The following MED6 variants were observed in gnomAD, a reference collection of about 807,000 sequenced individuals.
The protein encoded by MED6 is mediator complex subunit 6.
Under a neutral mutation model 37.5 loss-of-function variants are expected in MED6, and 33 were observed. The ratio of observed to expected loss-of-function variants is 0.88; its 90% confidence interval spans 0.67 to 1.18. The LOEUF is 1.18. Ranked by LOEUF, MED6 falls within the 50% of genes most tolerant of loss-of-function variation. The pLI is 0.00. For synonymous variants in MED6, 94 were observed against 93.6 expected (o/e 1.00, Z -0.02); for missense variants, 235 against 290.6 (o/e 0.81, Z 1.39).
intron 6 of MED6, among the ~76,000 whole-genome samples, chr14:70,586,121 G>GCTT (rs1281442450): frequency 2.6e-5 from 4 of 152,090 alleles, no homozygotes; most frequent in African/African-American, 7.2e-5. Context: ...GAATCCAATG[G>GCTT]GAAGAAATAA....
At chr14:70,594,158 A>G (rs1884972037) in intron 3 of MED6, among the ~76,000 whole-genome samples, 1 of 152,192 alleles carries the variant, frequency 6.6e-6, no homozygotes, top group South Asian at 2.1e-4. Flanking sequence ...TCCAATTGAG[A>G]GATGTAGCTA....
chr14:70,588,755 G>C (rs376511891), intron 6 of MED6, among the ~76,000 whole-genome samples: 1 of 150,118 alleles, frequency 6.7e-6, no homozygotes. Context: ...GGAGGAAGTA[G>C]GGGAAGAAGA....
chr14:70,590,252 C>G (rs112405809), intron 6 of MED6, among the ~76,000 whole-genome samples: 67 of 152,322 alleles, frequency 4.4e-4, no homozygotes, highest in African/African-American at 1.6e-3. Flanking sequence ...AATGAATGGT[C>G]AACTACACCT....
At chr14:70,600,129 G>A (rs1885162466) in intron 1 of MED6, among the ~76,000 whole-genome samples, 1 of 151,974 alleles carries the variant, frequency 6.6e-6, no homozygotes, top group Admixed American at 6.6e-5. Flanking sequence ...ATTGCTGGAC[G>A]TTCGATGTAA....
intron 2 of MED6, 53 bp downstream of exon 2, chr14:70,597,565 T>C: frequency 7.2e-7 from 1 of 1,384,062 alleles, no homozygotes; most frequent in Non-Finnish European, 9.5e-7. Context: ...GAAAGAACTG[T>C]TCATTGCAAA....
chr14:70,591,552 T>C (rs112412823), intron 5 of MED6, 171 bp from the exon 6 acceptor site: 1 of 535,232 alleles, frequency 1.9e-6, no homozygotes, highest in Non-Finnish European at 3.2e-6. Context: ...AGAAGTGTTG[T>C]TAACTCTCCC....
At position 70,596,632 on chromosome 14, in the gene MED6, G is replaced by C; in HGVS notation, c.253C>G (p.Gln85Glu). The C allele has an allele frequency of 6.2e-7, 1 of 1,613,722 alleles. No homozygotes were observed. Among genetic ancestry groups the C allele is most frequent in the African/African-American group, 1.3e-5 (1 of 75,052 alleles). Residue 85 changes from glutamine to glutamate, a missense_variant, in exon 3 of 8, where the codon CAG becomes GAG. By Grantham distance (29) the Gln-to-Glu change is conservative. Coordinates refer to ENST00000256379, the MANE Select transcript of MED6 (RefSeq NM_005466.4). ...TTACCTTGGGCAGGGGACTGCCGCTGTTGCTTCCGAATGATGAAAAGAATG... is the reference window on the plus strand; with the variant it reads ...TTACCTTGGGCAGGGGACTGCCGCTCTTGCTTCCGAATGATGAAAAGAATG... Reference protein sequence around the residue: ...EPILFIIRKQQRQSPAQVIPL... With the variant: ...EPILFIIRKQERQSPAQVIPL...
Position 70,600,646 on chromosome 14 carries a change from G to T in MED6, c.-9C>A, listed in dbSNP as rs758723694. ...ATATCCACCGCCGCCATAATTCCGA[G>T]AGCGTTTACAGGTTCTCTTTCCGGC... is the stretch of plus-strand genomic sequence containing the variant. On this transcript the variant is annotated 5_prime_UTR_variant, in exon 1 of 8. Transcript: ENST00000256379. 2 of 1,613,170 alleles carry T rather than the reference G, an allele frequency of 1.2e-6. No individual in the cohort carries two copies. The highest frequency in any genetic ancestry group is 1.7e-6 in the Non-Finnish European group (2 of 1,179,914).
At chr14:70,595,604 G>A in intron 3 of MED6, 1 of 752,052 alleles carries the variant, frequency 1.3e-6, no homozygotes, top group Non-Finnish European at 2.3e-6. Flanking sequence ...GGGCAGAGAG[G>A]CAGCACCAGG....
At chr14:70,591,137 G>A in intron 6 of MED6, 129 bp downstream of exon 6, 1 of 677,350 alleles carries the variant, frequency 1.5e-6, no homozygotes, top group Non-Finnish European at 2.5e-6. Flanking sequence ...CTTTGATACA[G>A]AGATCATTTT....
chr14:70,600,439 GAAAA>G (rs5809489), intron 1 of MED6, among the ~76,000 whole-genome samples, 173 bp downstream of exon 1: 1 of 127,908 alleles, frequency 7.8e-6, no homozygotes, highest in Non-Finnish European at 1.7e-5. Context: ...CAAGAACTCA[GAAAA>G]AAAAAAAAAC....
Position 70,583,960 on chromosome 14 carries a change from A to G in MED6, c.*853T>C. 1 of 439,464 alleles carries G rather than the reference A, an allele frequency of 2.3e-6. No individual in the cohort carries two copies. Among genetic ancestry groups the G allele is most frequent in the Non-Finnish European group, 4.0e-6 (1 of 249,940 alleles). The allele number at this position is 439,464 out of a possible 1,614,324, so 27.2% of individuals were successfully genotyped here. On this transcript the variant is annotated 3_prime_UTR_variant, in exon 8 of 8. Transcript: ENST00000256379. Reference sequence around the variant, plus strand: ...CAGCCTCCATAACTTTAAAAAAAATAAAATTCCTTTTCTTTATTGAAAAAA... The same window carrying G: ...CAGCCTCCATAACTTTAAAAAAAATGAAATTCCTTTTCTTTATTGAAAAAA...
Position 70,591,376 on chromosome 14 carries a change from C to T in MED6, c.472G>A (p.Val158Ile), listed in dbSNP as rs1884865727. Residue 158 changes from valine to isoleucine, a missense_variant, in exon 6 of 8, where the codon GTC becomes ATC. Val to Ile is a conservative substitution (Grantham distance 29). Coordinates refer to ENST00000256379, the MANE Select transcript of MED6 (RefSeq NM_005466.4). The part of the protein sequence containing the change: ...HFKDHEEQDK[V>I]RPKAKRKEEP... ...TCTTTCCTTTTGGCTTTAGGTCTGA[C>T]TTTATCTATTAAAATACGAAGTCCA... 6.3e-7 allele frequency: 1 copy of T among 1,599,020 alleles called. No homozygotes were observed. Among genetic ancestry groups the T allele is most frequent in the Admixed American group, 1.8e-5 (1 of 55,650 alleles).
intron 6 of MED6, among the ~76,000 whole-genome samples, chr14:70,586,018 G>A (rs1343508514): frequency 1.3e-5 from 2 of 152,100 alleles, no homozygotes; most frequent in South Asian, 2.1e-4. Context: ...ACTAGAACAA[G>A]ATAGTCAACC....
At chr14:70,586,073 C>T (rs961327525) in intron 6 of MED6, among the ~76,000 whole-genome samples, 1 of 152,228 alleles carries the variant, frequency 6.6e-6, no homozygotes, top group African/African-American at 2.4e-5. Flanking sequence ...TCCACCTCCA[C>T]ACCCAGGCTA....
intron 3 of MED6, 93 bp from the exon 4 acceptor site, chr14:70,593,471 C>A: frequency 9.9e-7 from 1 of 1,011,836 alleles, no homozygotes; most frequent in East Asian, 2.5e-5. Context: ...TGACATTTTC[C>A]CATAAGGCAG....
At chr14:70,591,435 A>C in intron 5 of MED6, 54 bp from the exon 6 acceptor site, 1 of 1,376,666 alleles carries the variant, frequency 7.3e-7, no homozygotes, top group Non-Finnish European at 1.0e-6. Flanking sequence ...TTGGTGTCTC[A>C]TATTTTACAA....
At chr14:70,596,476 A>G (rs1885049695) in intron 3 of MED6, 135 bp downstream of exon 3, 6 of 604,502 alleles carry the variant, frequency 9.9e-6, no homozygotes, top group South Asian at 4.4e-5. Flanking sequence ...TGAGTCCTCC[A>G]GCATAGTACT....
At chr14:70,585,732 A>G (rs756146630) in intron 7 of MED6, 24 bp downstream of exon 7, 4 of 1,576,048 alleles carry the variant, frequency 2.5e-6, no homozygotes, top group South Asian at 1.2e-5. Context: ...TTCAAGCGTA[A>G]TAAGAATATT....
Sources: gnomAD v4.1 joint callset for allele counts (sites outside exome capture counted in the v4.1 genomes callset) on GRCh38, gnomAD v4.1.1 for gene constraint, MANE v1.5 for transcripts, NCBI Gene and HGNC (gene_info 2026-07-23, HGNC 2026-07-21) for gene names.